Variants in SRGAP2B observed in about 807,000 individuals in gnomAD.
SRGAP2B encodes the protein SLIT-ROBO Rho GTPase activating protein 2B, also known as SLIT-ROBO Rho GTPase-activating protein 2B.
Under a neutral mutation model 22.2 loss-of-function variants are expected in SRGAP2B, and 9 were observed. The ratio of observed to expected loss-of-function variants is 0.41; its 90% CI spans 0.24 to 0.71. The LOEUF (loss-of-function observed/expected upper bound fraction) is 0.71. SRGAP2B is among the 30% of genes least tolerant of loss of function. SRGAP2B has a pLI of 0.35. For missense variants in SRGAP2B, 114 were observed against 235.8 expected (o/e 0.48, Z 3.38); for synonymous variants, 36 against 87.4 (o/e 0.41, Z 3.28).
intron 3 of SRGAP2B, among the ~76,000 whole-genome samples, chr1:144,959,347 C>G (rs1553610917): frequency 6.8e-6 from 1 of 146,792 alleles, no homozygotes; most frequent in Non-Finnish European, 1.5e-5. Flanking sequence ...AAAATATCTT[C>G]TTTTTTCCAT....
chr1:144,991,363 A>G (rs1382540518), intron 3 of SRGAP2B, among the ~76,000 whole-genome samples: 619 of 114,908 alleles, frequency 5.4e-3, no homozygotes, highest in Middle Eastern at 0.04. Flanking sequence ...CAAGGTTTGT[A>G]AGTGCACCAA....
At chr1:144,920,758 A>G (rs1438863915) in intron 4 of SRGAP2B, among the ~76,000 whole-genome samples, 1 of 150,466 alleles carries the variant, frequency 6.6e-6, no homozygotes, top group Non-Finnish European at 1.5e-5. Flanking sequence ...CTCATTAATG[A>G]GTCATTATAC....
At chr1:144,975,687 T>A (rs1553614075) in intron 3 of SRGAP2B, among the ~76,000 whole-genome samples, 1 of 148,770 alleles carries the variant, frequency 6.7e-6, no homozygotes, top group East Asian at 2.0e-4. Flanking sequence ...CTTTATAAAT[T>A]ACCTGGACTC....
intron 2 of SRGAP2B, among the ~76,000 whole-genome samples, chr1:145,041,027 T>G (rs1649164015): frequency 7.7e-6 from 1 of 129,698 alleles, no homozygotes; most frequent in Non-Finnish European, 1.6e-5. Context: ...TTTTTCAAAT[T>G]ACTTATCACC....
chr1:144,995,143 C>T lies in SRGAP2B; in HGVS notation c.125G>A (p.Arg42Gln), dbSNP rs587631244. 1.1e-3 allele frequency: 1,245 copies of T among 1,114,718 alleles called. 26 individuals are homozygous for T. The South Asian group carries it at 0.013, about 12-fold the overall frequency. The allele number at this position is 1,114,718 out of a possible 1,614,324, so 69.1% of individuals were successfully genotyped here. Residue 42 changes from arginine to glutamine, a missense_variant, in exon 3 of 10, where the codon CGG becomes CAG. Coordinates refer to ENST00000612199, the Ensembl canonical transcript of SRGAP2B. ...CTGGAGGTCCTGCAACAGTTGCACC[C>T]GAAGCTCACACTGCTGGTCCAGGCA...
chr1:144,993,118 C>T (rs587750206), intron 3 of SRGAP2B, among the ~76,000 whole-genome samples: 2 of 150,994 alleles, frequency 1.3e-5, no homozygotes, highest in Non-Finnish European at 2.9e-5. Context: ...AACAGGATGC[C>T]AGTGACTCAC....
chr1:144,925,740 A>AAAGAAAG (rs2101803633), intron 4 of SRGAP2B, among the ~76,000 whole-genome samples: 1 of 105,750 alleles, frequency 9.5e-6, no homozygotes, highest in Admixed American at 9.6e-5. Flanking sequence ...AGAAAGAAAG[A>AAAGAAAG]AAGAAAGAAA....
At chr1:144,942,696 A>T (rs1303445808) in intron 4 of SRGAP2B, among the ~76,000 whole-genome samples, 3 of 151,698 alleles carry the variant, frequency 2.0e-5, no homozygotes, top group Non-Finnish European at 4.4e-5. Flanking sequence ...CTGGGATTAC[A>T]GACATAAGCC....
rs1420286598 is a variant in SRGAP2B, at chr1:144,901,076, G to A, written c.832-3739C>T. ...AAAATTACATTCCAGTGAGCCTACC[G>A]TTCTTAGATGCCATCAAATGAGCTC... On this transcript the variant is annotated intron_variant, in intron 7 of 9. Coordinates refer to ENST00000612199, the Ensembl canonical transcript of SRGAP2B. Among the ~76,000 whole-genome samples, 19 of 148,774 alleles carry A rather than the reference G, an allele frequency of 1.3e-4. 1 individual carries two copies. Among genetic ancestry groups the A allele is most frequent in the Non-Finnish European group, 1.8e-4 (12 of 67,556 alleles).
At chr1:144,988,907 T>C (rs1350528786) in intron 3 of SRGAP2B, among the ~76,000 whole-genome samples, 1 of 142,492 alleles carries the variant, frequency 7.0e-6, no homozygotes, top group Middle Eastern at 3.3e-3. Flanking sequence ...CTGACCATTA[T>C]GGTTCTATGC....
intron 2 of SRGAP2B, among the ~76,000 whole-genome samples, chr1:145,057,034 G>T (rs1215873431): frequency 2.5e-3 from 363 of 143,638 alleles, no homozygotes; most frequent in African/African-American, 8.7e-3. Context: ...TAATAAAAAA[G>T]TCATTTGGGT....
chr1:144,970,739 T>A (rs1668448562), intron 3 of SRGAP2B, among the ~76,000 whole-genome samples: 1 of 149,368 alleles, frequency 6.7e-6, no homozygotes, highest in South Asian at 2.1e-4. Context: ...TTATTAGTAC[T>A]CCTGATGTCT....
At chr1:145,090,569 TATTATC>T (rs1378549478) in intron 2 of SRGAP2B, among the ~76,000 whole-genome samples, 2 of 145,650 alleles carry the variant, frequency 1.4e-5, no homozygotes, top group Non-Finnish European at 3.0e-5. Flanking sequence ...AAATGTAATC[TATTATC>T]ATTATCATTA....
chr1:144,986,485 A>T (rs1485128016), intron 3 of SRGAP2B, among the ~76,000 whole-genome samples: 15 of 149,232 alleles, frequency 1.0e-4, no homozygotes, highest in Non-Finnish European at 2.1e-4. Flanking sequence ...TACTATTGTC[A>T]CTCCAGAGAC....
At chr1:144,990,842 C>T (rs1321485930) in intron 3 of SRGAP2B, among the ~76,000 whole-genome samples, 4 of 151,426 alleles carry the variant, frequency 2.6e-5, no homozygotes, top group African/African-American at 4.9e-5. Context: ...GCCGGCCCAT[C>T]GGCGCTGTGC....
chr1:144,908,652 G>GA (rs1390496498), intron 5 of SRGAP2B, among the ~76,000 whole-genome samples: 1 of 148,662 alleles, frequency 6.7e-6, no homozygotes, highest in East Asian at 1.9e-4. Context: ...AAAAACAATT[G>GA]AAAAAATAGG....
In SRGAP2B at chr1:144,995,771, C is replaced by A. The variant is rs1040627; in HGVS notation, c.68-571G>T. On this transcript the variant is annotated intron_variant, in intron 2 of 9. Coordinates refer to ENST00000612199, the Ensembl canonical transcript of SRGAP2B. ...TAGGATGAAGGTCAGGATATTTTAACGGAGATAGGAAGAAAATCTCCCAAG... is the reference window on the plus strand; with the variant it reads ...TAGGATGAAGGTCAGGATATTTTAAAGGAGATAGGAAGAAAATCTCCCAAG... 2.7e-5 allele frequency among the ~76,000 whole-genome samples: 4 copies of A among 150,858 alleles called. No individual in the cohort carries two copies. In the East Asian group the frequency reaches 7.7e-4, roughly 29 times the overall value.
intron 2 of SRGAP2B, among the ~76,000 whole-genome samples, chr1:145,040,797 A>G (rs1243550887): frequency 6.8e-6 from 1 of 147,244 alleles, no homozygotes; most frequent in Non-Finnish European, 1.5e-5. Flanking sequence ...TGCTCCAGCT[A>G]CTCTGACCAT....
At chr1:144,915,523 C>T (rs1663804939) in intron 4 of SRGAP2B, among the ~76,000 whole-genome samples, 1 of 150,126 alleles carries the variant, frequency 6.7e-6, no homozygotes, top group South Asian at 2.1e-4. Context: ...GTCAGGAATT[C>T]GAGACCAGCA....
Sources: allele counts gnomAD v4.1 joint callset (sites outside exome capture counted in the v4.1 genomes callset), GRCh38; gene constraint gnomAD v4.1.1; transcripts MANE v1.5; gene names NCBI Gene and HGNC (gene_info 2026-07-23, HGNC 2026-07-21).